The following RUBCN variants were observed in gnomAD, a reference collection of about 807,000 sequenced individuals.
RUBCN encodes rubicon autophagy regulator.
Under a neutral mutation model 113.2 loss-of-function variants are expected in RUBCN, and 74 were observed. The ratio of observed to expected loss-of-function variants is 0.65; its 90% CI spans 0.54 to 0.79. The LOEUF (loss-of-function observed/expected upper bound fraction) is 0.79, where lower values mean the gene tolerates loss of function less well. Ranked by LOEUF, RUBCN falls within the 30% of genes least tolerant of loss-of-function variation. RUBCN has a pLI of 0.00. For synonymous variants in RUBCN, 480 were observed against 490.0 expected, an observed-to-expected ratio of 0.98 and a Z score of 0.27; for missense variants, 1,109 against 1,251.7, an observed-to-expected ratio of 0.89 and a Z score of 1.72.
intron 13 of RUBCN, 92 bp from the exon 14 acceptor site, chr3:197,682,707 A>G (rs1721386950): frequency 1.3e-6 from 2 of 1,550,930 alleles, no homozygotes; most frequent in Admixed American, 1.7e-5. Context: ...TGGGCAGGAG[A>G]AAAACACAGT....
rs904249827 is a variant in RUBCN at position 197,683,104 on chromosome 3, G to A, written c.1980+203C>T. On this transcript the variant is annotated intron_variant, in intron 13 of 19. Coordinates refer to ENST00000296343, the MANE Select transcript of RUBCN (RefSeq NM_014687.4). The surrounding 1 kb of genome is among the most constrained non-coding windows in gnomAD (Gnocchi z 4.6). ...GCGAGCAGTCACGTGAATAAGGACC[G>A]CGAACGCGCCGTCATCTCTGCTCTG... Among the ~76,000 whole-genome samples, 8 of 152,214 alleles carry A rather than the reference G, an allele frequency of 5.3e-5. No homozygotes were observed. The highest frequency in any genetic ancestry group is 2.1e-4 in the South Asian group (1 of 4,828).
intron 1 of RUBCN, among the ~76,000 whole-genome samples, chr3:197,718,986 T>TGGGCAAAA (rs1725843084): frequency 6.6e-6 from 1 of 152,242 alleles, no homozygotes; most frequent in African/African-American, 2.4e-5. Context: ...TGCCAACTTT[T>TGGGCAAAA]GCCCAGTGAC....
Position 197,670,780 on chromosome 3 carries a change from G to T in RUBCN, c.*4238C>A, listed in dbSNP as rs953024413. Among the ~76,000 whole-genome samples the T allele has an allele frequency of 3.9e-5, 6 of 152,198 alleles. No individual in the cohort carries two copies. Among genetic ancestry groups the T allele is most frequent in the African/African-American group, 1.4e-4 (6 of 41,440 alleles). On this transcript the variant is annotated 3_prime_UTR_variant, in exon 20 of 20. Transcript: ENST00000296343. ...ATCTTATCTCCTGGTTTAGTCCCTG[G>T]CAAGGAAAGAGCTGGCAGTTTAATA...
chr3:197,705,564 CAG>C (rs1724201772), intron 2 of RUBCN, among the ~76,000 whole-genome samples: 1 of 51,192 alleles, frequency 2.0e-5, no homozygotes, highest in Non-Finnish European at 3.7e-5. Context: ...GACCCTAACT[CAG>C]AAAAAAAAAA....
rs1184775082 is a variant in RUBCN at position 197,695,806 on chromosome 3, C to T, written c.1473+60G>A. ...AACCTCATCAGAACAAATGGCACCA[C>T]AGACCTTCAGACCCAATCTCCCAAC... On this transcript the variant is annotated intron_variant, in intron 9 of 19. Coordinates refer to ENST00000296343, the MANE Select transcript of RUBCN (RefSeq NM_014687.4). 15 of 1,455,672 alleles carry T rather than the reference C, an allele frequency of 1.0e-5. 1 individual carries two copies. The Admixed American group carries it at 2.2e-4, about 21-fold the overall frequency. 90.2% of individuals were successfully genotyped at this position (1,455,672 alleles called of 1,614,324 possible).
intron 14 of RUBCN, among the ~76,000 whole-genome samples, 172 bp downstream of exon 14, chr3:197,682,298 T>C (rs1377062091): frequency 6.6e-6 from 1 of 151,940 alleles, no homozygotes; most frequent in Non-Finnish European, 1.5e-5. Context: ...GCTCCAGGAA[T>C]TAAGAGTAAG....
rs535646329 is a variant in RUBCN at position 197,731,101 on chromosome 3, G to C, written c.65+5554C>G. Among the ~76,000 whole-genome samples, 508 of 151,772 alleles carry C rather than the reference G, an allele frequency of 3.3e-3. 3 individuals carry two copies. The highest frequency in any genetic ancestry group is 5.5e-3 in the Non-Finnish European group (371 of 67,928). On this transcript the variant is annotated intron_variant, in intron 1 of 19. Coordinates refer to ENST00000296343, the MANE Select transcript of RUBCN (RefSeq NM_014687.4). ...AGGGAAGGTCAGCAGATAAACAAGT[G>C]AACAAAGGTCTCCGGTTTTCCTAGG...
At position 197,701,805 on chromosome 3, in the gene RUBCN, C is replaced by A; in HGVS notation, c.630G>T (p.Leu210=). 1 of 1,614,156 alleles carries A rather than the reference C, an allele frequency of 6.2e-7. No individual in the cohort carries two copies. Among genetic ancestry groups the A allele is most frequent in the South Asian group, 1.1e-5 (1 of 91,080 alleles). The part of the protein sequence containing the change: ...LVTKSQSLTA[L]PSSTYTPPNS... ...TTGGAGGGGTGTATGTGGAACTGGG[C>A]AGGGCTGTCAGGCTCTGGCTCTTTG... The change falls in exon 6 of 20, where the codon CTG becomes CTT. Residue 210 remains leucine (L), a synonymous_variant. Transcript: ENST00000296343.
chr3:197,713,918 C>T (rs1725230356), intron 2 of RUBCN, among the ~76,000 whole-genome samples: 1 of 150,570 alleles, frequency 6.6e-6, no homozygotes, highest in Non-Finnish European at 1.5e-5. Flanking sequence ...ACTAAAAATA[C>T]AAAAAAAAAT....
In RUBCN at chr3:197,699,239, TAGAC is replaced by T. The variant is rs1338888930; in HGVS notation, c.1261+1370_1261+1373del. On this transcript the variant is annotated intron_variant, in intron 7 of 19. Coordinates refer to ENST00000296343, the MANE Select transcript of RUBCN (RefSeq NM_014687.4). ...TGATATTCCTGGGGCCTCCTGCCGGTAGACAGACAGGTGCAGAGGAGAGTCCAGA... is the reference window on the plus strand; with the variant it reads ...TGATATTCCTGGGGCCTCCTGCCGGTAGACAGGTGCAGAGGAGAGTCCAGA... 3.8e-5 allele frequency: 59 copies of T among 1,545,292 alleles called. No homozygotes were observed. In the Middle Eastern group the frequency reaches 5.0e-4, roughly 13 times the overall value.
chr3:197,676,254 G>C, intron 18 of RUBCN: 1 of 991,694 alleles, frequency 1.0e-6, no homozygotes, highest in Middle Eastern at 5.2e-4. Flanking sequence ...TAATGACTGA[G>C]AACAACAAAT....
chr3:197,733,393 G>T (rs1014764626), intron 1 of RUBCN, among the ~76,000 whole-genome samples: 2 of 152,166 alleles, frequency 1.3e-5, no homozygotes, highest in Non-Finnish European at 2.9e-5. Flanking sequence ...GAGGTGGGAA[G>T]ATCACCTGAG....
At chr3:197,724,359 A>G (rs1411988238) in intron 1 of RUBCN, among the ~76,000 whole-genome samples, 1 of 149,114 alleles carries the variant, frequency 6.7e-6, no homozygotes, top group Non-Finnish European at 1.5e-5. Context: ...AAACATAATC[A>G]CTAAAAACAT....
intron 1 of RUBCN, among the ~76,000 whole-genome samples, chr3:197,732,144 A>G (rs1475070137): frequency 6.6e-6 from 1 of 152,194 alleles, no homozygotes; most frequent in East Asian, 1.9e-4. Context: ...TTCTGACTGT[A>G]CCTGGATCAC....
chr3:197,685,172 G>A (rs1721701821), intron 11 of RUBCN, among the ~76,000 whole-genome samples: 1 of 152,156 alleles, frequency 6.6e-6, no homozygotes. Flanking sequence ...AGACCTCAGA[G>A]ACCTCATCTA....
intron 2 of RUBCN, among the ~76,000 whole-genome samples, chr3:197,715,783 T>C (rs1359633157): frequency 6.6e-6 from 1 of 152,238 alleles, no homozygotes; most frequent in Admixed American, 6.5e-5. Flanking sequence ...ACTCTTCTTT[T>C]CCCTAGTCAC....
chr3:197,683,403 C>G lies in RUBCN; in HGVS notation c.1884G>C (p.Ala628=). ...ACTGCTTCAGGAGCCCCATGGCCAC[C>G]GCCTCAGCAGACGTGGAGTGCAGGA... is the stretch of plus-strand genomic sequence containing the variant. ...HCFLHSTSAE[A]VAMGLLKQFE... Residue 628 remains alanine, a synonymous_variant, in exon 13 of 20, where the codon GCG becomes GCC. Transcript: ENST00000296343. This position sits in a 1 kb window ranked among gnomAD's most constrained non-coding sequence, Gnocchi z 4.6. 4 of 1,614,146 alleles carry G rather than the reference C, an allele frequency of 2.5e-6. No individual in the cohort carries two copies. The highest frequency in any genetic ancestry group is 3.4e-6 in the Non-Finnish European group (4 of 1,180,026).
At chr3:197,708,554 CAAAAAAAAA>C (rs113534449) in intron 2 of RUBCN, among the ~76,000 whole-genome samples, 1 of 74,568 alleles carries the variant, frequency 1.3e-5, no homozygotes, top group Non-Finnish European at 3.0e-5. Context: ...GTGGTAGACT[CAAAAAAAAA>C]AAAAAAAAAA....
intron 1 of RUBCN, among the ~76,000 whole-genome samples, chr3:197,719,758 T>C (rs764463554): frequency 1.3e-5 from 2 of 152,198 alleles, no homozygotes; most frequent in Non-Finnish European, 2.9e-5. Flanking sequence ...AGAAGAAAAC[T>C]TCTGTAAAAA....
Sources: allele counts gnomAD v4.1 joint callset (sites outside exome capture counted in the v4.1 genomes callset), GRCh38; gene constraint gnomAD v4.1.1; non-coding constraint Gnocchi (gnomAD v3.1); transcripts MANE v1.5; gene names NCBI Gene and HGNC (gene_info 2026-07-23, HGNC 2026-07-21).